LINGO2: variants seen among roughly 807,000 people sequenced by gnomAD.
LINGO2 encodes the protein leucine rich repeat and Ig domain containing 2.
LINGO2 carries 14 observed loss-of-function variants against 30.6 expected under a neutral mutation model. The ratio of observed to expected loss-of-function variants is 0.46; its 90% confidence interval spans 0.30 to 0.72. LINGO2 has a LOEUF of 0.72. Ranked by LOEUF, LINGO2 falls within the 30% of genes least tolerant of loss-of-function variation. The pLI, the probability that LINGO2 is intolerant of heterozygous loss-of-function variation, is 0.07. For synonymous variants in LINGO2, 317 were observed against 288.5 expected (o/e 1.10, Z -1.00); for missense variants, 729 against 751.7 (o/e 0.97, Z 0.35).
chr9:28,024,767 C>G (rs1002311908), intron 4 of LINGO2, among the ~76,000 whole-genome samples: 7 of 152,148 alleles, frequency 4.6e-5, no homozygotes, highest in African/African-American at 1.4e-4. Flanking sequence ...TGAATGTGAA[C>G]TTGAGTTCTG....
chr9:29,086,122 A>G, the LINGO2 span, among the ~76,000 whole-genome samples: 2 of 152,118 alleles, frequency 1.3e-5, no homozygotes, highest in Non-Finnish European at 2.9e-5. Context: ...TGTGAGACAA[A>G]ACAATAAAGT....
At chr9:28,780,534 G>C in the LINGO2 span, among the ~76,000 whole-genome samples, 1 of 152,036 alleles carries the variant, frequency 6.6e-6, no homozygotes, top group Non-Finnish European at 1.5e-5. Flanking sequence ...TGTGGAAGAG[G>C]AAGATGAGAA....
intron 4 of LINGO2, among the ~76,000 whole-genome samples, chr9:28,190,518 A>C (rs1268713019): frequency 6.6e-6 from 1 of 152,116 alleles, no homozygotes; most frequent in Non-Finnish European, 1.5e-5. Flanking sequence ...TGCCCTTATA[A>C]AAGAAACCCC....
chr9:28,935,790 G>T, the LINGO2 span, among the ~76,000 whole-genome samples: 2 of 151,584 alleles, frequency 1.3e-5, no homozygotes, highest in Non-Finnish European at 2.9e-5. Flanking sequence ...AATTCATTTT[G>T]ATAAAAATAA....
the LINGO2 span, among the ~76,000 whole-genome samples, chr9:28,916,213 G>A: frequency 2.9e-4 from 44 of 152,178 alleles, no homozygotes; most frequent in Middle Eastern, 6.8e-3. Flanking sequence ...AGCAGGCCCC[G>A]AGAGAAATCA....
At chr9:29,071,404 G>A in the LINGO2 span, among the ~76,000 whole-genome samples, 1 of 147,928 alleles carries the variant, frequency 6.8e-6, no homozygotes, top group South Asian at 2.1e-4. Flanking sequence ...TTTCTCCAAG[G>A]ATAAAACTGC....
At chr9:28,891,015 T>C in the LINGO2 span, among the ~76,000 whole-genome samples, 7 of 152,114 alleles carry the variant, frequency 4.6e-5, no homozygotes, top group African/African-American at 1.7e-4. Context: ...ATCATTTCCT[T>C]TATAGTGTTT....
At chr9:28,882,170 C>T in the LINGO2 span, among the ~76,000 whole-genome samples, 17 of 152,152 alleles carry the variant, frequency 1.1e-4, no homozygotes, top group Middle Eastern at 3.2e-3. Context: ...ATCACAGATA[C>T]GATTTAATCT....
chr9:28,463,398 A>G (rs1204259937), intron 2 of LINGO2, among the ~76,000 whole-genome samples: 6 of 152,104 alleles, frequency 3.9e-5, no homozygotes, highest in African/African-American at 1.4e-4. Flanking sequence ...TAAGTAAAAA[A>G]GAAAGAAAAA....
intron 1 of LINGO2, among the ~76,000 whole-genome samples, chr9:28,503,749 G>A (rs377332553): frequency 4.7e-5 from 7 of 150,208 alleles, no homozygotes; most frequent in African/African-American, 7.3e-5. Flanking sequence ...GGAAAACTCC[G>A]CCTGCCACAT....
At chr9:28,333,750 A>T (rs571738492) in intron 3 of LINGO2, among the ~76,000 whole-genome samples, 23 of 152,304 alleles carry the variant, frequency 1.5e-4, no homozygotes, top group African/African-American at 5.5e-4. Context: ...GTTCTTTAAA[A>T]GTCATACAAC....
the LINGO2 span, among the ~76,000 whole-genome samples, chr9:28,709,501 T>C: frequency 6.6e-6 from 1 of 152,050 alleles, no homozygotes; most frequent in Non-Finnish European, 1.5e-5. Flanking sequence ...TCTAAGGCCG[T>C]GTTCCAAGCT....
chr9:29,196,678 T>C, the LINGO2 span, among the ~76,000 whole-genome samples: 445 of 152,058 alleles, frequency 2.9e-3, 2 homozygotes, highest in Middle Eastern at 6.8e-3. Flanking sequence ...TGAGATAAAA[T>C]ACTAACCCAA....
the LINGO2 span, among the ~76,000 whole-genome samples, chr9:28,727,556 G>A: frequency 3.3e-5 from 5 of 152,146 alleles, no homozygotes; most frequent in African/African-American, 9.7e-5. Context: ...TCAAAGTGCT[G>A]GGATTACAGG....
At chr9:29,131,534 G>A in the LINGO2 span, among the ~76,000 whole-genome samples, 33 of 152,004 alleles carry the variant, frequency 2.2e-4, no homozygotes, top group South Asian at 4.1e-4. Context: ...AGGACAAGCA[G>A]TAAAACTTTT....
At chr9:28,423,012 G>A (rs1431888484) in intron 2 of LINGO2, among the ~76,000 whole-genome samples, 1 of 151,994 alleles carries the variant, frequency 6.6e-6, no homozygotes, top group Non-Finnish European at 1.5e-5. Context: ...TGGTTGCCAG[G>A]GGCTGGGAGG....
chr9:28,730,671 T>G, the LINGO2 span, among the ~76,000 whole-genome samples: 1 of 152,204 alleles, frequency 6.6e-6, no homozygotes, highest in South Asian at 2.1e-4. Flanking sequence ...ACTATGACAG[T>G]TGTACATACT....
the LINGO2 span, among the ~76,000 whole-genome samples, chr9:28,918,292 G>T: frequency 6.6e-6 from 1 of 152,146 alleles, no homozygotes; most frequent in East Asian, 1.9e-4. Context: ...AGAAGTGTAT[G>T]GGGAAAACCA....
At chr9:29,113,297 T>A in the LINGO2 span, among the ~76,000 whole-genome samples, 2 of 152,206 alleles carry the variant, frequency 1.3e-5, no homozygotes, top group Non-Finnish European at 1.5e-5. Context: ...ATCAAATTTA[T>A]GATGAAGCTT....
Sources: allele counts gnomAD v4.1 joint callset (sites outside exome capture counted in the v4.1 genomes callset), GRCh38; gene constraint gnomAD v4.1.1; transcripts MANE v1.5; gene names NCBI Gene and HGNC (gene_info 2026-07-23, HGNC 2026-07-21).